NPAS2: variants seen among roughly 807,000 people sequenced by gnomAD.
The protein encoded by NPAS2 is neuronal PAS domain-containing protein 2.
NPAS2 carries 23 observed loss-of-function variants against 107.5 expected under a neutral mutation model. The ratio of observed to expected loss-of-function variants is 0.21; its 90% CI spans 0.15 to 0.30. The LOEUF (loss-of-function observed/expected upper bound fraction) is 0.30. Among genes scored for constraint, NPAS2 ranks in the 10% least tolerant of loss-of-function variants. The pLI, the probability that NPAS2 is intolerant of heterozygous loss-of-function variation, is 1.00. For synonymous variants in NPAS2, 403 were observed against 417.5 expected, an observed-to-expected ratio of 0.97 and a Z score of 0.42; for missense variants, 756 against 1,043.3, an observed-to-expected ratio of 0.72 and a Z score of 3.79.
intron 15 of NPAS2, among the ~76,000 whole-genome samples, chr2:100,980,368 C>T (rs11900680): frequency 0.017 from 2,535 of 152,248 alleles, 68 homozygotes; most frequent in African/African-American, 0.056. Context: ...CGTTGAATTC[C>T]CTTTCAAAAT....
At chr2:100,853,667 T>G (rs1678361567) in intron 1 of NPAS2, among the ~76,000 whole-genome samples, 1 of 152,198 alleles carries the variant, frequency 6.6e-6, no homozygotes, top group Non-Finnish European at 1.5e-5. Context: ...GGCACCCTTC[T>G]GCTTCTCAAG....
intron 1 of NPAS2, among the ~76,000 whole-genome samples, chr2:100,856,394 G>T (rs544428845): frequency 3.8e-4 from 58 of 152,132 alleles, no homozygotes; most frequent in Non-Finnish European, 5.4e-4. Flanking sequence ...ACAAGCCCCC[G>T]GTCCTTGGTG....
At chr2:100,874,924 G>A (rs1679860317) in intron 1 of NPAS2, among the ~76,000 whole-genome samples, 1 of 152,094 alleles carries the variant, frequency 6.6e-6, no homozygotes, top group Admixed American at 6.5e-5. Flanking sequence ...GGAGACGGAT[G>A]GGCCCCGGTG....
chr2:100,831,073 G>A (rs766917756), intron 1 of NPAS2, among the ~76,000 whole-genome samples: 2 of 152,130 alleles, frequency 1.3e-5, no homozygotes, highest in Non-Finnish European at 2.9e-5. Context: ...GCTGAGGCAG[G>A]TGGATCACCT....
chr2:100,919,626 C>T (rs1232136129), intron 2 of NPAS2, among the ~76,000 whole-genome samples: 1 of 152,172 alleles, frequency 6.6e-6, no homozygotes, highest in Non-Finnish European at 1.5e-5. Flanking sequence ...TTTCCTTTCC[C>T]TGTCCCCACT....
chr2:100,886,788 G>A (rs745319260), intron 1 of NPAS2, among the ~76,000 whole-genome samples: 3 of 152,158 alleles, frequency 2.0e-5, no homozygotes, highest in Non-Finnish European at 4.4e-5. Flanking sequence ...AAAGGCCAAG[G>A]GACAGGAGAA....
Position 100,958,996 on chromosome 2 carries a change from T to C in NPAS2, c.599-5062T>C, listed in dbSNP as rs546146739. On this transcript the variant is annotated intron_variant, in intron 7 of 20. Transcript: ENST00000335681. ...GCAAAGCCAGGCCAGGCACGGTGGC[T>C]GACACCTGTAATCCCCGCACTTTGA... Among the ~76,000 whole-genome samples, 15 of 149,504 alleles carry C rather than the reference T, an allele frequency of 1.0e-4. 1 individual carries two copies. In the South Asian group the frequency reaches 3.1e-3, roughly 31 times the overall value.
At chr2:100,841,368 G>A (rs12991298) in intron 1 of NPAS2, among the ~76,000 whole-genome samples, 13 of 152,118 alleles carry the variant, frequency 8.5e-5, no homozygotes, top group Non-Finnish European at 1.9e-4. Flanking sequence ...ATGAACCCGG[G>A]GGGTGGAGGT....
At chr2:100,892,816 C>T (rs1158373774) in intron 1 of NPAS2, among the ~76,000 whole-genome samples, 1 of 152,060 alleles carries the variant, frequency 6.6e-6, no homozygotes, top group East Asian at 1.9e-4. Context: ...GGCTCAGGTT[C>T]GAGTAATTCT....
chr2:100,825,162 C>T (rs1169049976), intron 1 of NPAS2, among the ~76,000 whole-genome samples: 4 of 152,132 alleles, frequency 2.6e-5, no homozygotes, highest in South Asian at 2.1e-4. Context: ...AGACAGGTGA[C>T]GAGGTGACAG....
chr2:100,842,595 A>C (rs953002022), intron 1 of NPAS2, among the ~76,000 whole-genome samples: 1 of 152,140 alleles, frequency 6.6e-6, no homozygotes, highest in African/African-American at 2.4e-5. Context: ...TAAAGTCCTT[A>C]GTCGTGCAAG....
chr2:100,978,878 T>A (rs1012606281), intron 15 of NPAS2, among the ~76,000 whole-genome samples: 9 of 152,210 alleles, frequency 5.9e-5, no homozygotes, highest in African/African-American at 1.4e-4. Context: ...ACAGCAGGGA[T>A]GTGCTTCAGC....
chr2:100,844,697 T>A (rs893891577), intron 1 of NPAS2, among the ~76,000 whole-genome samples: 5 of 152,246 alleles, frequency 3.3e-5, no homozygotes, highest in African/African-American at 1.2e-4. Context: ...TTCATATTGA[T>A]GCTGTCCGGA....
In NPAS2 at chr2:100,937,056, A is replaced by G. The variant is rs371831447; in HGVS notation, c.274-697A>G. ...AAGCATTGCCCACCTTCAACCTATT[A>G]TATCACAAGCACCCAGGACAGTGTG... On this transcript the variant is annotated intron_variant, in intron 4 of 20. Transcript: ENST00000335681. Among the ~76,000 whole-genome samples, 79 of 151,824 alleles carry G rather than the reference A, an allele frequency of 5.2e-4. No homozygotes were observed. In the South Asian group the frequency reaches 0.016, roughly 30 times the overall value.
At chr2:100,875,809 G>A (rs1298313185) in intron 1 of NPAS2, among the ~76,000 whole-genome samples, 3 of 152,172 alleles carry the variant, frequency 2.0e-5, no homozygotes, top group African/African-American at 7.2e-5. Flanking sequence ...AGCTTTCCCA[G>A]GGTTATTTTT....
At chr2:100,977,896 C>G in intron 15 of NPAS2, 97 bp downstream of exon 15, 1 of 1,044,832 alleles carries the variant, frequency 9.6e-7, no homozygotes. Context: ...CAACCAAGGC[C>G]CTGACGTGGG....
chr2:100,986,477 C>G (rs1021618522), intron 16 of NPAS2: 1 of 152,226 alleles, frequency 6.6e-6, no homozygotes, highest in Admixed American at 6.5e-5. Flanking sequence ...GGGTGAAAAA[C>G]GTCAGATGCT....
At chr2:100,919,839 G>T (rs1360346321) in intron 2 of NPAS2, among the ~76,000 whole-genome samples, 1 of 152,098 alleles carries the variant, frequency 6.6e-6, no homozygotes, top group African/African-American at 2.4e-5. Flanking sequence ...TGCCTCTAGG[G>T]GCTCCGTGGC....
chr2:100,993,586 A>G (rs1380290336), intron 20 of NPAS2, 59 bp downstream of exon 20: 1 of 1,283,200 alleles, frequency 7.8e-7, no homozygotes, highest in African/African-American at 1.5e-5. Context: ...CACGCTCCAC[A>G]CCCGAAGTCT....
Sources: allele counts gnomAD v4.1 joint callset (sites outside exome capture counted in the v4.1 genomes callset), GRCh38; gene constraint gnomAD v4.1.1; transcripts MANE v1.5; gene names NCBI Gene and HGNC (gene_info 2026-07-23, HGNC 2026-07-21).